The following SNX29 variants were observed in gnomAD, a reference collection of about 807,000 sequenced individuals.
SNX29 encodes the protein sorting nexin-29.
A neutral mutation model predicts 102.1 loss-of-function variants in SNX29; 78 were observed. The observed-to-expected ratio is 0.76, with a 90% CI of 0.64 to 0.92. The LOEUF (loss-of-function observed/expected upper bound fraction) is 0.92, where lower values mean the gene tolerates loss of function less well. Among genes scored for constraint, SNX29 ranks in the 40% least tolerant of loss-of-function variants. The probability of loss-of-function intolerance (pLI) is 0.00; values close to 1 mark genes in which losing one functional copy is unlikely to be tolerated. For synonymous variants in SNX29, 580 were observed against 414.5 expected, an observed-to-expected ratio of 1.40 and a Z score of -4.85; for missense variants, 1,280 against 1,061.7, an observed-to-expected ratio of 1.21 and a Z score of -2.86.
At chr16:12,528,209 CTTTAT>C (rs1337964220) in intron 20 of SNX29, among the ~76,000 whole-genome samples, 1 of 151,568 alleles carries the variant, frequency 6.6e-6, no homozygotes, top group East Asian at 1.9e-4. Flanking sequence ...CGTCAAGCTT[CTTTAT>C]TTTGAGACAA....
intron 19 of SNX29, among the ~76,000 whole-genome samples, chr16:12,521,976 C>A (rs1190243256): frequency 6.6e-6 from 1 of 152,184 alleles, no homozygotes; most frequent in Non-Finnish European, 1.5e-5. Flanking sequence ...TGCCACCCCT[C>A]TGGAGGAAGG....
At chr16:12,447,810 C>T (rs1429617995) in intron 18 of SNX29, among the ~76,000 whole-genome samples, 2 of 152,208 alleles carry the variant, frequency 1.3e-5, no homozygotes, top group Non-Finnish European at 2.9e-5. Flanking sequence ...GGAACAGCCC[C>T]ACCACTCAGA....
intron 20 of SNX29, among the ~76,000 whole-genome samples, chr16:12,537,487 T>C (rs142694659): frequency 1.5e-3 from 229 of 152,328 alleles, no homozygotes; most frequent in African/African-American, 5.4e-3. Context: ...AAATTGGTGA[T>C]AGTGGCAGAG....
intron 15 of SNX29, among the ~76,000 whole-genome samples, chr16:12,314,548 A>T (rs967731434): frequency 6.6e-6 from 1 of 152,206 alleles, no homozygotes; most frequent in South Asian, 2.1e-4. Context: ...GTGAGGACTA[A>T]ATGAGTTAGT....
At chr16:12,563,897 T>G (rs569176485) in intron 20 of SNX29, among the ~76,000 whole-genome samples, 3 of 152,240 alleles carry the variant, frequency 2.0e-5, no homozygotes, top group Non-Finnish European at 4.4e-5. Flanking sequence ...CTCTGCCGTC[T>G]CTGGAGCAGG....
At chr16:12,281,833 G>A (rs1027202827) in intron 15 of SNX29, among the ~76,000 whole-genome samples, 7 of 152,110 alleles carry the variant, frequency 4.6e-5, no homozygotes, top group African/African-American at 1.7e-4. Context: ...CACTTTGAGA[G>A]AACGAGGCGG....
chr16:12,362,637 G>C (rs913249854), intron 16 of SNX29, among the ~76,000 whole-genome samples: 22 of 126,298 alleles, frequency 1.7e-4, no homozygotes, highest in African/African-American at 6.7e-4. Context: ...CCCCCACCCA[G>C]GGCCTTTGTT....
At chr16:12,306,141 T>TAGA (rs1555507809) in intron 15 of SNX29, among the ~76,000 whole-genome samples, 1 of 152,040 alleles carries the variant, frequency 6.6e-6, no homozygotes, top group East Asian at 1.9e-4. Flanking sequence ...TCCCTCTTCT[T>TAGA]AAACAGTTTG....
chr16:12,572,494 G>A lies in SNX29; in HGVS notation c.*3865G>A, dbSNP rs191227558. ...TGAGGACCAGTTCTTGGGGTTCCAG[G>A]CCTCGGCCTTCCTGCTCCACGTGCT... On this transcript the variant is annotated 3_prime_UTR_variant, in exon 21 of 21. Transcript: ENST00000566228. 1 of 1,063,978 alleles carries A rather than the reference G, an allele frequency of 9.4e-7. No individual in the cohort carries two copies. Among genetic ancestry groups the A allele is most frequent in the Non-Finnish European group, 1.1e-6 (1 of 878,414 alleles). The allele number at this position is 1,063,978 out of a possible 1,614,324, so 65.9% of individuals were successfully genotyped here. A position where few individuals can be genotyped will look rare whatever the true frequency, so the allele number is the denominator to read the frequency against.
intron 2 of SNX29, among the ~76,000 whole-genome samples, chr16:12,001,373 T>C (rs960058329): frequency 6.6e-6 from 1 of 152,136 alleles, no homozygotes; most frequent in Non-Finnish European, 1.5e-5. Context: ...TCGGCCGTCC[T>C]AACTGCTGGG....
chr16:12,403,192 T>TTGTGTGTG (rs1321237155), intron 17 of SNX29, among the ~76,000 whole-genome samples: 3 of 129,718 alleles, frequency 2.3e-5, no homozygotes, highest in Non-Finnish European at 3.3e-5. Flanking sequence ...GGAGTACAGA[T>TTGTGTGTG]TGTGTGTGTA....
chr16:12,219,006 C>T (rs1049346539), intron 14 of SNX29, among the ~76,000 whole-genome samples: 4 of 152,090 alleles, frequency 2.6e-5, no homozygotes, highest in Non-Finnish European at 4.4e-5. Flanking sequence ...GATCTCCTGA[C>T]CTTGTGATCT....
intron 14 of SNX29, among the ~76,000 whole-genome samples, chr16:12,217,880 A>G (rs1308626318): frequency 1.3e-5 from 2 of 152,188 alleles, no homozygotes; most frequent in African/African-American, 4.8e-5. Flanking sequence ...TGGCTTACTG[A>G]ACAGTAGATC....
chr16:12,413,564 G>A (rs1475703197), intron 18 of SNX29, among the ~76,000 whole-genome samples: 1 of 120,850 alleles, frequency 8.3e-6, no homozygotes, highest in African/African-American at 2.6e-5. Flanking sequence ...GAGTGGCTCT[G>A]TGAGAAGTGA....
chr16:12,089,837 C>A, intron 11 of SNX29: 1 of 399,988 alleles, frequency 2.5e-6, no homozygotes, highest in Non-Finnish European at 4.9e-6. Context: ...TGCGTTCCTT[C>A]CGTCCTTCAC....
At chr16:12,533,232 C>A (rs944375456) in intron 20 of SNX29, among the ~76,000 whole-genome samples, 1 of 152,338 alleles carries the variant, frequency 6.6e-6, no homozygotes, top group Admixed American at 6.5e-5. Context: ...GCTGTTTTGC[C>A]CAAAGGGCAG....
At chr16:12,294,895 TA>T (rs547137501) in intron 15 of SNX29, among the ~76,000 whole-genome samples, 19 of 148,574 alleles carry the variant, frequency 1.3e-4, no homozygotes, top group Non-Finnish European at 1.9e-4. Flanking sequence ...GTAATTTATT[TA>T]AAAAAAAAAG....
In SNX29 at chr16:12,569,001, G is replaced by C. The variant is rs1315034692; in HGVS notation, c.*372G>C. ...AGAGGCAAAGGTGATCCCCTATATA[G>C]GAAGGTTCATGCAGAGCCAGCCTCT... On this transcript the variant is annotated 3_prime_UTR_variant, in exon 21 of 21. Coordinates refer to ENST00000566228, the MANE Select transcript of SNX29 (RefSeq NM_032167.5). The C allele has an allele frequency of 1.0e-5, 3 of 287,436 alleles. No individual in the cohort carries two copies. Among genetic ancestry groups the C allele is most frequent in the Non-Finnish European group, 2.0e-5 (3 of 153,656 alleles). The allele number at this position is 287,436 out of a possible 1,614,324, so 17.8% of individuals were successfully genotyped here.
intron 20 of SNX29, among the ~76,000 whole-genome samples, chr16:12,541,452 C>A (rs934760911): frequency 6.6e-6 from 1 of 152,132 alleles, no homozygotes; most frequent in Non-Finnish European, 1.5e-5. Context: ...AAAGGACCCA[C>A]GCTTAGTGCT....
Sources: gnomAD v4.1 joint callset for allele counts (sites outside exome capture counted in the v4.1 genomes callset) on GRCh38, gnomAD v4.1.1 for gene constraint, MANE v1.5 for transcripts, NCBI Gene and HGNC (gene_info 2026-07-23, HGNC 2026-07-21) for gene names.